DYNC2H1: variants seen among roughly 807,000 people sequenced by gnomAD.
The protein encoded by DYNC2H1 is dynein cytoplasmic 2 heavy chain 1, also known as cytoplasmic dynein 2 heavy chain 1.
In DYNC2H1, 410 loss-of-function variants were observed where a neutral mutation model predicts 570.0. The observed-to-expected ratio is 0.72, with a 90% confidence interval of 0.66 to 0.78. The LOEUF (loss-of-function observed/expected upper bound fraction) is 0.78, where lower values mean the gene tolerates loss of function less well. Ranked by LOEUF, DYNC2H1 falls within the 30% of genes least tolerant of loss-of-function variation. The pLI, the probability that DYNC2H1 is intolerant of heterozygous loss-of-function variation, is 0.00. For synonymous variants in DYNC2H1, 1,688 were observed against 1,677.6 expected (o/e 1.01, Z -0.15); for missense variants, 4,865 against 5,046.4 (o/e 0.96, Z 1.09).
intron 75 of DYNC2H1, among the ~76,000 whole-genome samples, chr11:103,302,679 A>G (rs1867097929): frequency 6.6e-6 from 1 of 152,118 alleles, no homozygotes; most frequent in African/African-American, 2.4e-5. Flanking sequence ...GTAGGCACTC[A>G]ACTATCATAT....
At chr11:103,291,887 G>A (rs932945108) in intron 75 of DYNC2H1, among the ~76,000 whole-genome samples, 4 of 151,518 alleles carry the variant, frequency 2.6e-5, no homozygotes, top group African/African-American at 4.8e-5. Context: ...CTCTTTTTTG[G>A]TTTCCATTTG....
intron 57 of DYNC2H1, 144 bp downstream of exon 57, chr11:103,220,927 T>G (rs1326267115): frequency 2.8e-6 from 2 of 710,892 alleles, no homozygotes; most frequent in Non-Finnish European, 4.5e-6. Flanking sequence ...TTTCAAGGTA[T>G]TCTATGTAAT....
rs1565363595 is a variant in DYNC2H1, at chr11:103,170,991, G to T, written c.5257G>T (p.Ala1753Ser). The T allele has an allele frequency of 6.2e-7, 1 of 1,612,014 alleles. No homozygotes were observed. Among genetic ancestry groups the T allele is most frequent in the Non-Finnish European group, 8.5e-7 (1 of 1,178,726 alleles). Residue 1753 changes from alanine to serine, a missense_variant, in exon 34 of 89, where the codon GCA becomes TCA. Around this residue, in one of 5 missense-constraint regions of DYNC2H1, gnomAD observed 292 missense variants for 300.2 expected, o/e 0.97. Coordinates refer to ENST00000375735, the MANE Select transcript of DYNC2H1 (RefSeq NM_001377.3). This position sits in a 1 kb window ranked among gnomAD's most constrained non-coding sequence, Gnocchi z 4.8. ...FNRLEESVLS[A>S]VSMQIQTIQD... ...TAGGCTGGAAGAATCTGTACTGTCAGCAGTTTCTATGCAAATCCAGACAAT... is the reference window on the plus strand; with the variant it reads ...TAGGCTGGAAGAATCTGTACTGTCATCAGTTTCTATGCAAATCCAGACAAT...
intron 54 of DYNC2H1, among the ~76,000 whole-genome samples, chr11:103,212,868 A>G (rs1863211277): frequency 6.6e-6 from 1 of 152,094 alleles, no homozygotes; most frequent in African/African-American, 2.4e-5. Context: ...AATCACTTTA[A>G]CTTACTGTTT....
At chr11:103,125,051 A>G (rs1362891719) in intron 11 of DYNC2H1, 49 bp from the exon 12 acceptor site, 1 of 1,452,794 alleles carries the variant, frequency 6.9e-7, no homozygotes, top group Non-Finnish European at 9.5e-7. Flanking sequence ...TTTATTAGTC[A>G]AAACAGTGAG....
In DYNC2H1 at chr11:103,245,652, A is replaced by G. The variant is rs1864586424; in HGVS notation, c.10042+278A>G. On this transcript the variant is annotated intron_variant, in intron 65 of 88. Coordinates refer to ENST00000375735, the MANE Select transcript of DYNC2H1 (RefSeq NM_001377.3). The surrounding 1 kb of genome is among the most constrained non-coding windows in gnomAD (Gnocchi z 4.5). ...AATTCTAGACCCCCTGAAGGAAAGC[A>G]GGTGTAGCATAAACCATATTGTTTG... Among the ~76,000 whole-genome samples the G allele has an allele frequency of 6.6e-6, 1 of 152,140 alleles. No homozygotes were observed. The highest frequency in any genetic ancestry group is 1.5e-5 in the Non-Finnish European group (1 of 67,988).
At chr11:103,455,419 A>G in intron 86 of DYNC2H1, 124 bp downstream of exon 86, 1 of 757,530 alleles carries the variant, frequency 1.3e-6, no homozygotes, top group Non-Finnish European at 2.2e-6. Context: ...CAGTTATGTT[A>G]TTTTCTTATT....
chr11:103,184,711 G>T (rs537097021), intron 40 of DYNC2H1, among the ~76,000 whole-genome samples, 185 bp from the exon 41 acceptor site: 1 of 151,962 alleles, frequency 6.6e-6, no homozygotes, highest in South Asian at 2.1e-4. Context: ...GTACTTTCAT[G>T]ATTACTTTTT....
chr11:103,123,682 G>C (rs1858838548), intron 11 of DYNC2H1, among the ~76,000 whole-genome samples: 1 of 152,118 alleles, frequency 6.6e-6, no homozygotes. Flanking sequence ...TGGAAAATTT[G>C]CATACTTTAT....
rs748058835 is a variant in DYNC2H1 at position 103,115,186 on chromosome 11, C to T, written c.512C>T (p.Thr171Ile). 1.2e-6 allele frequency: 2 copies of T among 1,607,842 alleles called. No homozygotes were observed. Among genetic ancestry groups the T allele is most frequent in the Admixed American group, 1.7e-5 (1 of 59,422 alleles). The stretch of plus-strand genomic sequence containing the variant: ...CTCTTGACTTTTATAGGTATCCTTA[C>T]ACCAAGCGATGAGTTCCAGTTTTGG... Reference protein sequence around the residue: ...FKEDDTRGILTPSDEFQFWIE... With the variant: ...FKEDDTRGILIPSDEFQFWIE... Residue 171 changes from threonine to isoleucine, a missense_variant, in exon 4 of 89, where the codon ACA becomes ATA. Transcript: ENST00000375735.
chr11:103,452,046 C>G (rs1353473086), intron 85 of DYNC2H1, among the ~76,000 whole-genome samples: 1 of 151,512 alleles, frequency 6.6e-6, no homozygotes, highest in African/African-American at 2.4e-5. Flanking sequence ...AATTTTTTTC[C>G]TCCATTATGG....
At chr11:103,114,463 G>A (rs1439296034) in intron 3 of DYNC2H1, among the ~76,000 whole-genome samples, 2 of 152,158 alleles carry the variant, frequency 1.3e-5, no homozygotes, top group Non-Finnish European at 2.9e-5. Context: ...AACTACAGGT[G>A]CATACCACTA....
At chr11:103,238,829 G>T (rs563337025) in intron 63 of DYNC2H1, among the ~76,000 whole-genome samples, 46 of 152,258 alleles carry the variant, frequency 3.0e-4, no homozygotes, top group African/African-American at 1.1e-3. Context: ...TACTACGTTA[G>T]CAGAAAGCTC....
In DYNC2H1 at chr11:103,395,409, A is replaced by G. The variant is rs1942355351; in HGVS notation, c.12157-4254A>G. 6.6e-6 allele frequency among the ~76,000 whole-genome samples: 1 copy of G among 151,764 alleles called. No individual in the cohort carries two copies. On this transcript the variant is annotated intron_variant, in intron 83 of 88. Coordinates refer to ENST00000375735, the MANE Select transcript of DYNC2H1 (RefSeq NM_001377.3). The surrounding 1 kb of genome is among the most constrained non-coding windows in gnomAD (Gnocchi z 4.3). ...TGAAAGATCTGATGTGCTGGAATAT[A>G]TACATGCATATGATCATGTATGTTA...
chr11:103,156,982 C>T (rs899941400), intron 26 of DYNC2H1, among the ~76,000 whole-genome samples: 1 of 152,190 alleles, frequency 6.6e-6, no homozygotes, highest in Non-Finnish European at 1.5e-5. Context: ...TATTACCACT[C>T]TACCTAATAA....
intron 82 of DYNC2H1, among the ~76,000 whole-genome samples, chr11:103,351,101 G>A (rs1290842038): frequency 6.6e-6 from 1 of 152,082 alleles, no homozygotes; most frequent in Non-Finnish European, 1.5e-5. Flanking sequence ...TGGGTTGGCT[G>A]GATTATTCCT....
intron 84 of DYNC2H1, among the ~76,000 whole-genome samples, chr11:103,410,458 G>A (rs1373283657): frequency 6.6e-6 from 1 of 152,080 alleles, no homozygotes; most frequent in Non-Finnish European, 1.5e-5. Flanking sequence ...TATATAGGCT[G>A]GGGGCAAGAG....
In DYNC2H1 at chr11:103,241,482, A is replaced by T. The variant is rs547404313; in HGVS notation, c.9820-2211A>T. 5.1e-6 allele frequency: 8 copies of T among 1,567,070 alleles called. No individual in the cohort carries two copies. Among genetic ancestry groups the T allele is most frequent in the Non-Finnish European group, 7.0e-6 (8 of 1,144,370 alleles). ...CTTAAGCATGTTTTCTTTGCTAAAAACATTTTGAAATGTTACCTTTCTTCT... is the reference window on the plus strand; with the variant it reads ...CTTAAGCATGTTTTCTTTGCTAAAATCATTTTGAAATGTTACCTTTCTTCT... On this transcript the variant is annotated intron_variant, in intron 63 of 88. Coordinates refer to ENST00000375735, the MANE Select transcript of DYNC2H1 (RefSeq NM_001377.3). This position sits in a 1 kb window ranked among gnomAD's most constrained non-coding sequence, Gnocchi z 5.1.
At chr11:103,414,876 TAAGAC>T (rs1226154098) in intron 84 of DYNC2H1, among the ~76,000 whole-genome samples, 1 of 152,080 alleles carries the variant, frequency 6.6e-6, no homozygotes, top group Non-Finnish European at 1.5e-5. Context: ...CTCAAGGAAA[TAAGAC>T]AGGACACAAA....
Sources: gnomAD v4.1 joint callset for allele counts (sites outside exome capture counted in the v4.1 genomes callset) on GRCh38, gnomAD v4.1.1 for gene constraint, gnomAD v4.1.1 regional missense constraint, Gnocchi (gnomAD v3.1) non-coding constraint, MANE v1.5 for transcripts, NCBI Gene and HGNC (gene_info 2026-07-23, HGNC 2026-07-21) for gene names.